KIAA0513: variants seen among roughly 807,000 people sequenced by gnomAD.
KIAA0513 encodes the protein KIAA0513, also known as uncharacterized protein KIAA0513.
Under a neutral mutation model 56.5 loss-of-function variants are expected in KIAA0513, and 39 were observed. The ratio of observed to expected loss-of-function variants is 0.69; its 90% CI spans 0.53 to 0.90. The LOEUF is 0.90. Among genes scored for constraint, KIAA0513 ranks in the 40% least tolerant of loss-of-function variants. KIAA0513 has a pLI of 0.00. For synonymous variants in KIAA0513, 268 were observed against 215.6 expected (o/e 1.24, Z -2.13); for missense variants, 591 against 535.2 (o/e 1.10, Z -1.03).
At chr16:85,078,301 A>T in intron 6 of KIAA0513, 114 bp from the exon 7 acceptor site, 1 of 1,095,628 alleles carries the variant, frequency 9.1e-7, no homozygotes, top group Non-Finnish European at 1.4e-6. Flanking sequence ...GGCTTTTCAG[A>T]GCAAGCCGTA....
chr16:85,078,794 C>G, intron 7 of KIAA0513, 131 bp from the exon 8 acceptor site: 2 of 972,214 alleles, frequency 2.1e-6, no homozygotes, highest in Non-Finnish European at 3.2e-6. Flanking sequence ...AGAAAAGCCA[C>G]GGTGGGGTTT....
At chr16:85,072,027 T>C in intron 3 of KIAA0513, 145 bp downstream of exon 3, 1 of 620,554 alleles carries the variant, frequency 1.6e-6, no homozygotes, top group Non-Finnish European at 2.9e-6. Flanking sequence ...GTAAAACTTA[T>C]CCAAAAATAC....
In KIAA0513 at chr16:85,092,708, T is replaced by C. The variant is rs2073881883; in HGVS notation, c.*4383T>C. 1 of 152,264 alleles carries C rather than the reference T, an allele frequency of 6.6e-6. No homozygotes were observed. The allele number at this position is 152,264 out of a possible 1,614,324, so 9.4% of individuals were successfully genotyped here. On this transcript the variant is annotated 3_prime_UTR_variant, in exon 13 of 13. Transcript: ENST00000683363. ...TATTCATGTTGATGATTCTTGGAGA[T>C]AGGTTTCACTTTTTCCCAGCTGCGT...
At chr16:85,053,768 C>T (rs1028414779) in intron 1 of KIAA0513, among the ~76,000 whole-genome samples, 2 of 152,090 alleles carry the variant, frequency 1.3e-5, no homozygotes, top group South Asian at 2.1e-4. Flanking sequence ...TGAGGAGGCG[C>T]GGATCACAAG....
chr16:85,050,414 A>G (rs8063125), intron 1 of KIAA0513, among the ~76,000 whole-genome samples: 59,541 of 149,694 alleles, frequency 0.4, 13,220 homozygotes, highest in African/African-American at 0.6. Flanking sequence ...CAGTGGCGCA[A>G]TCTCGGCTCA....
intron 1 of KIAA0513, among the ~76,000 whole-genome samples, chr16:85,033,778 A>C (rs944416802): frequency 2.0e-5 from 3 of 152,130 alleles, no homozygotes; most frequent in African/African-American, 4.8e-5. Context: ...CCAGATACTC[A>C]ATATGCCCGT....
chr16:85,071,475 C>G (rs991718157), intron 2 of KIAA0513, among the ~76,000 whole-genome samples: 1 of 152,176 alleles, frequency 6.6e-6, no homozygotes, highest in Non-Finnish European at 1.5e-5. Flanking sequence ...TCAGACCTCC[C>G]CAGGCAGGGG....
At chr16:85,071,534 A>G (rs2073573720) in intron 2 of KIAA0513, among the ~76,000 whole-genome samples, 1 of 152,170 alleles carries the variant, frequency 6.6e-6, no homozygotes, top group African/African-American at 2.4e-5. Context: ...GGAAGGCTGG[A>G]TGGAACTCTG....
chr16:85,034,144 G>A (rs983095603), intron 1 of KIAA0513, among the ~76,000 whole-genome samples: 6 of 152,008 alleles, frequency 3.9e-5, no homozygotes, highest in Admixed American at 6.6e-5. Context: ...TTTGGGAGGC[G>A]GAGGCAGGTG....
chr16:85,041,617 C>G (rs982215183), intron 1 of KIAA0513, among the ~76,000 whole-genome samples: 2 of 152,164 alleles, frequency 1.3e-5, no homozygotes, highest in African/African-American at 2.4e-5. Flanking sequence ...CACCTTTTGT[C>G]TCGCTACTCG....
Position 85,082,685 on chromosome 16 carries a change from C to T in KIAA0513, c.1010+92C>T, listed in dbSNP as rs567748607. The T allele has an allele frequency of 4.7e-5, 63 of 1,331,802 alleles. No homozygotes were observed. The African/African-American group carries it at 8.0e-4, about 17-fold the overall frequency. 82.5% of individuals were successfully genotyped at this position (1,331,802 alleles called of 1,614,324 possible). The stretch of plus-strand genomic sequence containing the variant: ...GGGGGCTGTGCACTGTGCTGAGCTG[C>T]TGCAGCAGGCACAGCCCAGACGCAG... On this transcript the variant is annotated intron_variant, in intron 10 of 12. Transcript: ENST00000683363.
At chr16:85,028,061 C>T (rs1013789716) in intron 1 of KIAA0513, among the ~76,000 whole-genome samples, 7 of 152,120 alleles carry the variant, frequency 4.6e-5, no homozygotes, top group East Asian at 1.9e-4. Flanking sequence ...CCGGGGTTCT[C>T]CGCGGGCTCC....
At chr16:85,086,934 A>G (rs763405975) in intron 11 of KIAA0513, 138 bp from the exon 12 acceptor site, 16 of 877,816 alleles carry the variant, frequency 1.8e-5, no homozygotes, top group Non-Finnish European at 2.9e-5. Context: ...GCTGGTGGCT[A>G]ATTAGGCAGC....
intron 10 of KIAA0513, among the ~76,000 whole-genome samples, chr16:85,086,033 A>C (rs1471730918): frequency 6.6e-6 from 1 of 152,226 alleles, no homozygotes; most frequent in African/African-American, 2.4e-5. Flanking sequence ...GAGAAAGCCA[A>C]CATGGAGAAA....
rs567115838 is a variant in KIAA0513, at chr16:85,091,551, G to C, written c.*3226G>C. 1 of 152,306 alleles carries C rather than the reference G, an allele frequency of 6.6e-6. No homozygotes were observed. Among genetic ancestry groups the C allele is most frequent in the Non-Finnish European group, 1.5e-5 (1 of 68,030 alleles). 9.4% of individuals were successfully genotyped at this position (152,306 alleles called of 1,614,324 possible). On this transcript the variant is annotated 3_prime_UTR_variant, in exon 13 of 13. Coordinates refer to ENST00000683363, the MANE Select transcript of KIAA0513 (RefSeq NM_001388359.1). ...ACCCAAATTAAAATCCTGATGTTCA[G>C]GTTAATCCAAGCAACACGCATTGGG... is the stretch of plus-strand genomic sequence containing the variant.
rs922253680 is a variant in KIAA0513 at position 85,078,272 on chromosome 16, G to A, written c.783-143G>A. 1.5e-5 allele frequency: 11 copies of A among 756,262 alleles called. No homozygotes were observed. In the South Asian group the frequency reaches 1.9e-4, roughly 13 times the overall value. 46.8% of individuals were successfully genotyped at this position (756,262 alleles called of 1,614,324 possible). A position where few individuals can be genotyped will look rare whatever the true frequency, so the allele number is the denominator to read the frequency against. On this transcript the variant is annotated intron_variant, in intron 6 of 12. Transcript: ENST00000683363. ...CTGAAACACTGGCAGTTGACAAATA[G>A]AGCCTTGATTTCATAAAAGGCTTTT...
intron 1 of KIAA0513, among the ~76,000 whole-genome samples, chr16:85,052,349 G>A (rs9934770): frequency 0.4 from 61,060 of 151,118 alleles, 13,781 homozygotes; most frequent in African/African-American, 0.62. Context: ...AACAACAATA[G>A]CAACAACAAA....
intron 1 of KIAA0513, among the ~76,000 whole-genome samples, chr16:85,042,310 C>T (rs16975139): frequency 6.6e-6 from 1 of 152,108 alleles, no homozygotes. Context: ...TGTGTGTCTT[C>T]CAAATGAGGA....
chr16:85,036,480 C>G (rs1310443942), intron 1 of KIAA0513, among the ~76,000 whole-genome samples: 2 of 152,158 alleles, frequency 1.3e-5, no homozygotes, highest in Non-Finnish European at 2.9e-5. Flanking sequence ...TATTGTAGCA[C>G]GTGTCCATCC....
Sources: gnomAD v4.1 joint callset for allele counts (sites outside exome capture counted in the v4.1 genomes callset) on GRCh38, gnomAD v4.1.1 for gene constraint, MANE v1.5 for transcripts, NCBI Gene and HGNC (gene_info 2026-07-23, HGNC 2026-07-21) for gene names.